Variants in EP300 observed in about 807,000 individuals in gnomAD.
EP300 encodes EP300 lysine acetyltransferase, also known as histone acetyltransferase p300.
Under a neutral mutation model 264.0 loss-of-function variants are expected in EP300, and 31 were observed. The observed-to-expected ratio is 0.12, with a 90% CI of 0.09 to 0.16. The LOEUF (loss-of-function observed/expected upper bound fraction) is 0.16, where lower values mean the gene tolerates loss of function less well. Ranked by LOEUF, EP300 falls within the 10% of genes least tolerant of loss-of-function variation. EP300 has a pLI of 1.00. For missense variants in EP300, 2,766 were observed against 3,052.9 expected (o/e 0.91, Z 2.21); for synonymous variants, 1,340 against 1,045.4 (o/e 1.28, Z -5.44).
chr22:41,148,058 G>A, intron 12 of EP300, 112 bp downstream of exon 12: 2 of 785,400 alleles, frequency 2.5e-6, no homozygotes, highest in South Asian at 4.0e-5. Flanking sequence ...ATAACTCCTA[G>A]TTCTTCTGTA....
chr22:41,115,327 C>T (rs1441710841), intron 1 of EP300, among the ~76,000 whole-genome samples: 1 of 152,132 alleles, frequency 6.6e-6, no homozygotes, highest in Non-Finnish European at 1.5e-5. Context: ...TAATAGAGGG[C>T]ACAAGACAAT....
At chr22:41,100,339 T>G (rs1180813088) in intron 1 of EP300, among the ~76,000 whole-genome samples, 1 of 152,192 alleles carries the variant, frequency 6.6e-6, no homozygotes, top group African/African-American at 2.4e-5. Flanking sequence ...AAGGATGAAC[T>G]CCTGTATAGA....
chr22:41,128,333 TC>T (rs1043528908), intron 4 of EP300, among the ~76,000 whole-genome samples: 57 of 151,946 alleles, frequency 3.8e-4, no homozygotes, highest in African/African-American at 1.4e-3. Flanking sequence ...CTGGGTGTGT[TC>T]CTGTAGTCCC....
intron 11 of EP300, among the ~76,000 whole-genome samples, chr22:41,147,617 A>G (rs2059018868): frequency 6.6e-6 from 1 of 152,104 alleles, no homozygotes. Context: ...GGACGCCTGT[A>G]GTCCCAGCTA....
intron 14 of EP300, among the ~76,000 whole-genome samples, chr22:41,151,066 T>C (rs1029716294): frequency 1.1e-4 from 16 of 152,074 alleles, no homozygotes; most frequent in Non-Finnish European, 2.1e-4. Flanking sequence ...TTAATAGAAC[T>C]TTTTTTAAGG....
At position 41,119,175 on chromosome 22, in the gene EP300, A is replaced by ATTT. The variant is rs1159365617; in HGVS notation, c.729+1378_729+1380dup. Among the ~76,000 whole-genome samples, 20 of 112,988 alleles carry ATTT rather than the reference A, an allele frequency of 1.8e-4. No homozygotes were observed. The South Asian group carries it at 3.0e-3, about 17-fold the overall frequency. 74.1% of individuals were successfully genotyped at this position (112,988 alleles called of 152,430 possible). A position where few individuals can be genotyped will look rare whatever the true frequency, so the allele number is the denominator to read the frequency against. ...ATACCACCATGCCTGGCTTATTATT[A>ATTT]TTTTTTTTTTTTTTTTTTTTTTTTT... On this transcript the variant is annotated intron_variant, in intron 2 of 30. Coordinates refer to ENST00000263253, the MANE Select transcript of EP300 (RefSeq NM_001429.4).
chr22:41,093,926 T>G (rs977088942), intron 1 of EP300, among the ~76,000 whole-genome samples: 1 of 152,212 alleles, frequency 6.6e-6, no homozygotes, highest in Non-Finnish European at 1.5e-5. Flanking sequence ...GTGAACTGAT[T>G]GTACAAAAGT....
chr22:41,164,044 C>G lies in EP300; in HGVS notation c.3729-9C>G. The stretch of plus-strand genomic sequence containing the variant: ...GGGGTTAATTTTGGAATTGGCTCTG[C>G]TCTTCCAGGTTTGTTGAATGTACAG... On this transcript the variant is annotated splice_polypyrimidine_tract_variant and intron_variant, in intron 21 of 30. Coordinates refer to ENST00000263253, the MANE Select transcript of EP300 (RefSeq NM_001429.4). The G allele has an allele frequency of 6.2e-7, 1 of 1,613,998 alleles. No homozygotes were observed.
In EP300 at chr22:41,146,812, A is replaced by G. The variant is rs748630545; in HGVS notation, c.2127A>G (p.Gln709=). 3 of 1,613,870 alleles carry G rather than the reference A, an allele frequency of 1.9e-6. No individual in the cohort carries two copies. Among genetic ancestry groups the G allele is most frequent in the Admixed American group, 1.7e-5 (1 of 59,994 alleles). ...PNQMMPRITP[Q]SGLNQFGQMS... ...AGATGATGCCTCGAATAACTCCACA[A>G]TCTGGTAAATAGTGAAAAAAATTTT... The change falls in exon 11 of 31, where the codon CAA becomes CAG. Residue 709 remains glutamine (Q), a synonymous_variant. Coordinates refer to ENST00000263253, the MANE Select transcript of EP300 (RefSeq NM_001429.4).
At chr22:41,152,616 C>T (rs976099082) in intron 16 of EP300, among the ~76,000 whole-genome samples, 1 of 151,818 alleles carries the variant, frequency 6.6e-6, no homozygotes, top group East Asian at 1.9e-4. Context: ...AAAATTGTCT[C>T]ATTTTTCAGG....
chr22:41,094,027 C>T (rs1172798275), intron 1 of EP300, among the ~76,000 whole-genome samples: 3 of 152,208 alleles, frequency 2.0e-5, no homozygotes, highest in Admixed American at 2.0e-4. Context: ...CGTTTAAAAG[C>T]TTTACGACCA....
intron 1 of EP300, among the ~76,000 whole-genome samples, chr22:41,106,155 C>A (rs1295315913): frequency 6.6e-6 from 1 of 152,038 alleles, no homozygotes. Flanking sequence ...GTTGTTGGAA[C>A]CTGATAAATT....
chr22:41,125,844 C>G lies in EP300; in HGVS notation c.730-20C>G, dbSNP rs753573114. The G allele has an allele frequency of 6.2e-7, 1 of 1,612,114 alleles. No homozygotes were observed. Among genetic ancestry groups the G allele is most frequent in the East Asian group, 2.2e-5 (1 of 44,826 alleles). On this transcript the variant is annotated intron_variant, in intron 2 of 30. Coordinates refer to ENST00000263253, the MANE Select transcript of EP300 (RefSeq NM_001429.4). ...TAAATTTTATTGCTTATTTTGTTTT[C>G]TTTTGTTTCTTACTCTTAGATGGGA...
intron 2 of EP300, among the ~76,000 whole-genome samples, chr22:41,121,140 CTTTTCTT>C (rs965053188): frequency 1.0e-3 from 155 of 152,266 alleles, no homozygotes; most frequent in East Asian, 2.5e-3. Flanking sequence ...CCCATCTCTA[CTTTTCTT>C]TTTTCTTTTT....
At chr22:41,100,846 A>G (rs2058727732) in intron 1 of EP300, among the ~76,000 whole-genome samples, 1 of 152,118 alleles carries the variant, frequency 6.6e-6, no homozygotes, top group Admixed American at 6.6e-5. Flanking sequence ...ACAACCATAT[A>G]TATATAGTAT....
In EP300 at chr22:41,178,121, A is replaced by C; in HGVS notation, c.6410A>C (p.Gln2137Pro). The stretch of plus-strand genomic sequence containing the variant: ...GCCATGCAGAACATGAATCCAATGC[A>C]GGCGGGCGTTCAGAGGGCTGGCCTG... ...NPAMQNMNPMQAGVQRAGLPQ... is the reference protein window; with the variant it reads ...NPAMQNMNPMPAGVQRAGLPQ... The change falls in exon 31 of 31, where the codon CAG becomes CCG. Residue 2137 changes from glutamine to proline, a missense_variant. Coordinates refer to ENST00000263253, the MANE Select transcript of EP300 (RefSeq NM_001429.4). 1 of 1,614,154 alleles carries C rather than the reference A, an allele frequency of 6.2e-7. No individual in the cohort carries two copies.
chr22:41,137,747 G>A lies in EP300; in HGVS notation c.1717G>A (p.Glu573Lys), dbSNP rs926253992. Residue 573 changes from glutamate to lysine, a missense_variant, in exon 8 of 31, where the codon GAA (glutamate) becomes AAA (lysine). Glu to Lys is a moderately conservative substitution (Grantham distance 56). Transcript: ENST00000263253. ...TACTGGAATTCGGAAACAGTGGCACGAAGATATTACTCAGGATCTTCGAAA... is the reference window on the plus strand; with the variant it reads ...TACTGGAATTCGGAAACAGTGGCACAAAGATATTACTCAGGATCTTCGAAA... The part of the protein sequence containing the change: ...STTGIRKQWH[E>K]DITQDLRNHL... 10 of 1,614,196 alleles carry A rather than the reference G, an allele frequency of 6.2e-6. No homozygotes were observed. Among genetic ancestry groups the A allele is most frequent in the East Asian group, 4.5e-5 (2 of 44,882 alleles).
rs1208185210 is a variant in EP300 at position 41,131,567 on chromosome 22, G to A, written c.1462G>A (p.Ala488Thr). Residue 488 changes from alanine to threonine, a missense_variant, in exon 6 of 31, where the codon GCA (alanine) becomes ACA (threonine). Physicochemically the swap from Ala to Thr is moderately conservative, Grantham distance 58. Transcript: ENST00000263253. ...NQMPTQPQVQ[A>T]KNQQNQQPGQ... ...GATGCCGACACAACCCCAGGTGCAA[G>A]CAAAGAACCAGCAGAATCAGCAGCC... The A allele has an allele frequency of 6.2e-7, 1 of 1,614,100 alleles. No homozygotes were observed. Among genetic ancestry groups the A allele is most frequent in the South Asian group, 1.1e-5 (1 of 91,076 alleles).
intron 10 of EP300, among the ~76,000 whole-genome samples, chr22:41,146,223 CG>C (rs1169598866): frequency 6.8e-6 from 1 of 147,700 alleles, no homozygotes; most frequent in East Asian, 2.0e-4. Flanking sequence ...GGAGTGCAGT[CG>C]TGTGATCTTG....
Sources: allele counts gnomAD v4.1 joint callset (sites outside exome capture counted in the v4.1 genomes callset), GRCh38; gene constraint gnomAD v4.1.1; transcripts MANE v1.5; gene names NCBI Gene and HGNC (gene_info 2026-07-23, HGNC 2026-07-21).